Variants in CPEB4 observed in about 807,000 individuals in gnomAD.
The protein encoded by CPEB4 is cytoplasmic polyadenylation element-binding protein 4.
Under a neutral mutation model 72.5 loss-of-function variants are expected in CPEB4, and 12 were observed. The ratio of observed to expected loss-of-function variants is 0.17; its 90% confidence interval spans 0.11 to 0.27. CPEB4 has a LOEUF of 0.27. Ranked by LOEUF, CPEB4 falls within the 10% of genes least tolerant of loss-of-function variation. The pLI is 1.00. For missense variants in CPEB4, 614 were observed against 908.5 expected (o/e 0.68, Z 4.17); for synonymous variants, 302 against 326.3 (o/e 0.93, Z 0.80).
In CPEB4 at chr5:173,890,501, C is replaced by G. The variant is rs377418021; in HGVS notation, c.768C>G (p.Pro256=). 12 of 1,612,682 alleles carry G rather than the reference C, an allele frequency of 7.4e-6. No homozygotes were observed. The East Asian group carries it at 8.9e-5, about 12-fold the overall frequency. Residue 256 remains proline, a synonymous_variant, in exon 1 of 10, where the codon CCC becomes CCG. Coordinates refer to ENST00000265085, the MANE Select transcript of CPEB4 (RefSeq NM_030627.4). The stretch of plus-strand genomic sequence containing the variant: ...AGCAAAGGAGGTCTCCTGCCAGTCC[C>G]CATCCCCCACCCTTCACACATAGAA... ...HQQQRRSPAS[P]HPPPFTHRNA...
intron 5 of CPEB4, among the ~76,000 whole-genome samples, chr5:173,947,134 TCAGGTCTTATCTACA>T (rs1758048260): frequency 6.6e-6 from 1 of 151,740 alleles, no homozygotes; most frequent in Admixed American, 6.6e-5. Context: ...TGCCCTATTA[TCAGGTCTTATCTACA>T]CATGCTTACC....
At chr5:173,937,452 G>T (rs1384956684) in intron 3 of CPEB4, among the ~76,000 whole-genome samples, 1 of 152,172 alleles carries the variant, frequency 6.6e-6, no homozygotes, top group African/African-American at 2.4e-5. Context: ...GAGAAATGTA[G>T]ATGATGATCA....
chr5:173,956,429 G>T lies in CPEB4; in HGVS notation c.*292G>T, dbSNP rs567911173. 3.2e-6 allele frequency: 1 copy of T among 309,228 alleles called. No individual in the cohort carries two copies. Among genetic ancestry groups the T allele is most frequent in the Non-Finnish European group, 5.9e-6 (1 of 168,072 alleles). 19.2% of individuals were successfully genotyped at this position (309,228 alleles called of 1,614,324 possible). On this transcript the variant is annotated 3_prime_UTR_variant, in exon 10 of 10. Transcript: ENST00000265085. Reference sequence around the variant, plus strand: ...CTTCCTGCAACATTTTCTTAGAGGAGAGAGAGAAATATTAAAAGAGAAATG... The same window carrying T: ...CTTCCTGCAACATTTTCTTAGAGGATAGAGAGAAATATTAAAAGAGAAATG...
At position 173,950,088 on chromosome 5, in the gene CPEB4, G is replaced by A; in HGVS notation, c.1665+10G>A. On this transcript the variant is annotated intron_variant, in intron 7 of 9. Coordinates refer to ENST00000265085, the MANE Select transcript of CPEB4 (RefSeq NM_030627.4). This position sits in a 1 kb window ranked among gnomAD's most constrained non-coding sequence, Gnocchi z 5.0. ...TATCAAGGATAAGCCAGTAAGTGTG[G>A]TTTAGCATAAAATAGCTTCTTGTTT... is the stretch of plus-strand genomic sequence containing the variant. 2 of 1,525,078 alleles carry A rather than the reference G, an allele frequency of 1.3e-6. No individual in the cohort carries two copies. The highest frequency in any genetic ancestry group is 2.3e-5 in the East Asian group (1 of 44,050). 94.5% of individuals were successfully genotyped at this position (1,525,078 alleles called of 1,614,324 possible).
chr5:173,941,721 T>A (rs1004251578), intron 3 of CPEB4, among the ~76,000 whole-genome samples: 4 of 151,448 alleles, frequency 2.6e-5, no homozygotes, highest in African/African-American at 4.9e-5. Context: ...AAAAAAAAAA[T>A]ACAAAAATTA....
At chr5:173,943,294 A>G (rs553027807) in intron 4 of CPEB4, among the ~76,000 whole-genome samples, 2 of 152,284 alleles carry the variant, frequency 1.3e-5, no homozygotes, top group South Asian at 4.1e-4. Flanking sequence ...TTAAATGAGA[A>G]ACTCAGCTTA....
Position 173,890,643 on chromosome 5 carries a change from G to A in CPEB4, c.910G>A (p.Gly304Ser). The A allele has an allele frequency of 6.2e-7, 1 of 1,614,102 alleles. No individual in the cohort carries two copies. The highest frequency in any genetic ancestry group is 8.5e-7 in the Non-Finnish European group (1 of 1,179,976). The change falls in exon 1 of 10, where the codon GGT becomes AGT. Residue 304 changes from glycine (G) to serine (S), a missense_variant. Physicochemically the swap from Gly to Ser is moderately conservative, Grantham distance 56. Transcript: ENST00000265085. ...TPSSSWSPGG[G>S]GYGGWGGSQG... ...CTCCTCTTCCTGGAGCCCGGGCGGT[G>A]GTGGATATGGTGGCTGGGGAGGTTC...
chr5:173,888,864 G>C lies in CPEB4; in HGVS notation c.-870G>C, dbSNP rs916959133. 1 of 255,882 alleles carries C rather than the reference G, an allele frequency of 3.9e-6. No individual in the cohort carries two copies. 15.9% of individuals were successfully genotyped at this position (255,882 alleles called of 1,614,324 possible). A position where few individuals can be genotyped will look rare whatever the true frequency, so the allele number is the denominator to read the frequency against. On this transcript the variant is annotated 5_prime_UTR_variant, in exon 1 of 10. Coordinates refer to ENST00000265085, the MANE Select transcript of CPEB4 (RefSeq NM_030627.4). This position sits in a 1 kb window ranked among gnomAD's most constrained non-coding sequence, Gnocchi z 4.3. ...ACCCCCAGGCCGCCCGCTCACCCTC[G>C]TCGAGTCTCGCTAATCCCTCCTGAT...
At chr5:173,895,155 T>A (rs917638710) in intron 1 of CPEB4, among the ~76,000 whole-genome samples, 1 of 152,072 alleles carries the variant, frequency 6.6e-6, no homozygotes, top group African/African-American at 2.4e-5. Flanking sequence ...ACTACAGGCA[T>A]GATTGGACCC....
Position 173,889,921 on chromosome 5 carries a change from C to T in CPEB4, c.188C>T (p.Pro63Leu). The change falls in exon 1 of 10, where the codon CCT (proline) becomes CTT (leucine). Residue 63 changes from proline (P) to leucine (L), a missense_variant. Transcript: ENST00000265085. ...GSSAGSAWLFPAPATHNIQDE... is the reference protein window; with the variant it reads ...GSSAGSAWLFLAPATHNIQDE... ...AGTGCTGGGTCAGCTTGGCTTTTTC[C>T]TGCTCCAGCTACCCATAACATTCAG... The T allele has an allele frequency of 6.2e-7, 1 of 1,614,168 alleles. No individual in the cohort carries two copies. Among genetic ancestry groups the T allele is most frequent in the Admixed American group, 1.7e-5 (1 of 60,024 alleles).
At position 173,889,123 on chromosome 5, in the gene CPEB4, C is replaced by G. The variant is rs1309284555; in HGVS notation, c.-611C>G. On this transcript the variant is annotated 5_prime_UTR_variant, in exon 1 of 10. Transcript: ENST00000265085. ...CAATGCTGATTTCCTCTCCCGAAAC[C>G]AGGAATTCACTTCCCACCCCAGATA... The G allele has an allele frequency of 6.6e-6, 1 of 151,718 alleles. No homozygotes were observed. The highest frequency in any genetic ancestry group is 2.4e-5 in the African/African-American group (1 of 41,344). The allele number at this position is 151,718 out of a possible 1,614,324, so 9.4% of individuals were successfully genotyped here.
intron 2 of CPEB4, among the ~76,000 whole-genome samples, chr5:173,929,771 C>A (rs1021206992): frequency 1.3e-5 from 2 of 151,998 alleles, no homozygotes; most frequent in Non-Finnish European, 2.9e-5. Context: ...TATAGAACAG[C>A]CTTGGTTTCT....
At chr5:173,916,345 T>G (rs1178537415) in intron 2 of CPEB4, among the ~76,000 whole-genome samples, 2 of 152,244 alleles carry the variant, frequency 1.3e-5, no homozygotes. Flanking sequence ...AGTACTTAAT[T>G]TGAATGTAAG....
intron 3 of CPEB4, among the ~76,000 whole-genome samples, chr5:173,941,602 C>T (rs1349496753): frequency 6.6e-6 from 1 of 152,088 alleles, no homozygotes; most frequent in African/African-American, 2.4e-5. Flanking sequence ...AACTCAAAAA[C>T]CTATCCCAGG....
At position 173,955,605 on chromosome 5, in the gene CPEB4, C is replaced by T. The variant is rs2113308831; in HGVS notation, c.1963-305C>T. ...GAGGGTTTATGTCTATGAATAATCT[C>T]CTGTGGGTTTAATCTCATAACATTC... On this transcript the variant is annotated intron_variant, in intron 9 of 9. Transcript: ENST00000265085. This position sits in a 1 kb window ranked among gnomAD's most constrained non-coding sequence, Gnocchi z 4.7. Among the ~76,000 whole-genome samples, 1 of 152,242 alleles carries T rather than the reference C, an allele frequency of 6.6e-6. No homozygotes were observed. The highest frequency in any genetic ancestry group is 1.9e-4 in the East Asian group (1 of 5,180).
At chr5:173,937,338 C>T (rs969360763) in intron 3 of CPEB4, among the ~76,000 whole-genome samples, 3 of 152,196 alleles carry the variant, frequency 2.0e-5, no homozygotes, top group Middle Eastern at 3.4e-3. Flanking sequence ...TCACCTCACC[C>T]GGCCCAACAT....
intron 1 of CPEB4, among the ~76,000 whole-genome samples, chr5:173,903,374 G>A (rs1322247251): frequency 1.3e-5 from 2 of 152,186 alleles, no homozygotes; most frequent in Admixed American, 6.5e-5. Flanking sequence ...ATCATAGCTG[G>A]CCAACTAGGA....
At chr5:173,903,449 C>T (rs1220974158) in intron 1 of CPEB4, among the ~76,000 whole-genome samples, 7 of 152,244 alleles carry the variant, frequency 4.6e-5, no homozygotes, top group Admixed American at 1.3e-4. Context: ...ATTTGCTTAA[C>T]TCCGTGGTTC....
chr5:173,889,826 A>G lies in CPEB4; in HGVS notation c.93A>G (p.Pro31=). Reference sequence around the variant, plus strand: ...GATTCCATCCACATCTGCAGCCTCCACACCATCACCAAAATGCCACCCCCA... The same window carrying G: ...GATTCCATCCACATCTGCAGCCTCCGCACCATCACCAAAATGCCACCCCCA... ...PVRFHPHLQP[P]HHHQNATPSP... The change falls in exon 1 of 10, where the codon CCA becomes CCG. Residue 31 remains proline (P), a synonymous_variant. Coordinates refer to ENST00000265085, the MANE Select transcript of CPEB4 (RefSeq NM_030627.4). The G allele has an allele frequency of 6.2e-7, 1 of 1,614,190 alleles. No individual in the cohort carries two copies. The highest frequency in any genetic ancestry group is 8.5e-7 in the Non-Finnish European group (1 of 1,180,022).
Sources: allele counts gnomAD v4.1 joint callset (sites outside exome capture counted in the v4.1 genomes callset), GRCh38; gene constraint gnomAD v4.1.1; non-coding constraint Gnocchi (gnomAD v3.1); transcripts MANE v1.5; gene names NCBI Gene and HGNC (gene_info 2026-07-23, HGNC 2026-07-21).